PTPRT: variants seen among roughly 807,000 people sequenced by gnomAD.
PTPRT encodes protein tyrosine phosphatase receptor type T.
A neutral mutation model predicts 176.8 loss-of-function variants in PTPRT; 56 were observed. The ratio of observed to expected loss-of-function variants is 0.32; its 90% CI spans 0.26 to 0.40. The LOEUF (loss-of-function observed/expected upper bound fraction) is 0.40. Ranked by LOEUF, PTPRT falls within the 10% of genes least tolerant of loss-of-function variation. PTPRT has a pLI of 1.00. For missense variants in PTPRT, 1,540 were observed against 1,908.2 expected, an observed-to-expected ratio of 0.81 and a Z score of 3.60; for synonymous variants, 783 against 739.0, an observed-to-expected ratio of 1.06 and a Z score of -0.96.
chr20:42,717,471 GAC>G (rs984175524), intron 6 of PTPRT, among the ~76,000 whole-genome samples: 2 of 152,036 alleles, frequency 1.3e-5, no homozygotes, highest in African/African-American at 4.8e-5. Context: ...GAATCAAAGT[GAC>G]AGTTTTTATA....
At chr20:42,741,485 C>T (rs1410373150) in intron 6 of PTPRT, among the ~76,000 whole-genome samples, 4 of 152,174 alleles carry the variant, frequency 2.6e-5, no homozygotes, top group South Asian at 2.1e-4. Flanking sequence ...GTTGGGATTA[C>T]AGGCAACCAC....
chr20:43,160,664 A>C (rs924134621), intron 1 of PTPRT, among the ~76,000 whole-genome samples: 2 of 151,706 alleles, frequency 1.3e-5, no homozygotes, highest in East Asian at 3.9e-4. Flanking sequence ...GCCTTGAAAG[A>C]ATATTTTTTT....
chr20:42,885,756 G>T, intron 2 of PTPRT, 51 bp downstream of exon 2: 1 of 1,568,274 alleles, frequency 6.4e-7, no homozygotes, highest in Non-Finnish European at 8.7e-7. Flanking sequence ...CATGATTCAC[G>T]GTAAAAACTA....
chr20:42,063,816 A>G, the PTPRT span: 2 of 152,136 alleles, frequency 1.3e-5, no homozygotes, highest in Non-Finnish European at 2.9e-5. Flanking sequence ...ATGGTGGCCA[A>G]TGGGAGCCCA....
intron 7 of PTPRT, among the ~76,000 whole-genome samples, chr20:42,584,280 C>G (rs554193045): frequency 7.9e-5 from 12 of 152,154 alleles, no homozygotes; most frequent in African/African-American, 2.7e-4. Context: ...TAAATCTCTA[C>G]GTGATCTCCC....
rs1986514085 is a variant in PTPRT at position 42,106,998 on chromosome 20, C to G, written c.3255-77G>C. The stretch of plus-strand genomic sequence containing the variant: ...CTGGGGAGGCCCCTAGCATTCAGCC[C>G]TATCCCCAAGGGTCCTGCTGGGAGG... On this transcript the variant is annotated intron_variant, in intron 23 of 30. Transcript: ENST00000373187. The G allele has an allele frequency of 1.4e-5, 21 of 1,545,066 alleles. No homozygotes were observed. The South Asian group carries it at 2.4e-4, about 18-fold the overall frequency.
chr20:42,462,155 T>C (rs2071032226), intron 8 of PTPRT, among the ~76,000 whole-genome samples: 1 of 152,156 alleles, frequency 6.6e-6, no homozygotes, highest in Non-Finnish European at 1.5e-5. Context: ...GGGAATTTCT[T>C]TGAATGGTTT....
Position 42,472,539 on chromosome 20 carries a change from C to A in PTPRT, c.1177G>T (p.Val393Leu). 2 of 1,614,072 alleles carry A rather than the reference C, an allele frequency of 1.2e-6. No homozygotes were observed. The highest frequency in any genetic ancestry group is 2.2e-5 in the South Asian group (2 of 91,080). The change falls in exon 8 of 31, where the codon GTG becomes TTG. Residue 393 changes from valine (V) to leucine (L), a missense_variant. Val to Leu is a conservative substitution (Grantham distance 32). Coordinates refer to ENST00000373187, the MANE Select transcript of PTPRT (RefSeq NM_007050.6). ...CGGGCTCTGATGTCTACGATTTCCA[C>A]GTTCTGTGGGCCATGTACCGGATCT... ...CADPVHGPQN[V>L]EIVDIRARQL... is the part of the protein sequence containing the mutation.
In PTPRT at chr20:42,614,922, CTT is replaced by C. The variant is rs559377337; in HGVS notation, c.1153+62942_1153+62943del. Among the ~76,000 whole-genome samples the C allele has an allele frequency of 1.3e-3, 184 of 137,282 alleles. 3 individuals carry two copies. The highest frequency in any genetic ancestry group is 4.4e-3 in the African/African-American group (166 of 37,702). The allele number at this position is 137,282 out of a possible 152,430, so 90.1% of individuals were successfully genotyped here. ...AACTCTCGGTTTTTTTTGTTGTTTT[CTT>C]TTTTTTTTTTCTATTTTTTTTTTAA... On this transcript the variant is annotated intron_variant, in intron 7 of 30. Transcript: ENST00000373187.
At chr20:43,052,333 T>A (rs1222087002) in intron 1 of PTPRT, among the ~76,000 whole-genome samples, 1 of 152,244 alleles carries the variant, frequency 6.6e-6, no homozygotes, top group Non-Finnish European at 1.5e-5. Flanking sequence ...TCACGTGCTA[T>A]CTATAATAAG....
chr20:42,947,005 G>T (rs950644678), intron 1 of PTPRT, among the ~76,000 whole-genome samples: 2 of 152,164 alleles, frequency 1.3e-5, no homozygotes, highest in Non-Finnish European at 1.5e-5. Flanking sequence ...TTCGATTCAG[G>T]TCAAAGAGAG....
At chr20:42,281,007 C>T (rs1035636316) in intron 13 of PTPRT, among the ~76,000 whole-genome samples, 1 of 152,116 alleles carries the variant, frequency 6.6e-6, no homozygotes. Flanking sequence ...TCGAAAGCCA[C>T]CGAGGAGCCA....
At chr20:42,973,369 T>C (rs1158114274) in intron 1 of PTPRT, among the ~76,000 whole-genome samples, 1 of 152,160 alleles carries the variant, frequency 6.6e-6, no homozygotes, top group Non-Finnish European at 1.5e-5. Flanking sequence ...GGACCTAAAA[T>C]GTCAGCTCAA....
intron 1 of PTPRT, among the ~76,000 whole-genome samples, chr20:42,928,172 G>A (rs1979607991): frequency 6.6e-6 from 1 of 152,226 alleles, no homozygotes; most frequent in Non-Finnish European, 1.5e-5. Flanking sequence ...CATTGCACAA[G>A]GCTCTGGTTC....
At chr20:43,025,479 G>A (rs956525154) in intron 1 of PTPRT, among the ~76,000 whole-genome samples, 4 of 152,178 alleles carry the variant, frequency 2.6e-5, no homozygotes, top group Non-Finnish European at 5.9e-5. Flanking sequence ...CCTGAGGGTT[G>A]GAGTTGGAGG....
chr20:42,725,225 C>G (rs2076362344), intron 6 of PTPRT, among the ~76,000 whole-genome samples: 1 of 151,640 alleles, frequency 6.6e-6, no homozygotes, highest in African/African-American at 2.4e-5. Context: ...CGGGGTTTCA[C>G]CATGTTGGCC....
At chr20:42,547,623 G>A (rs1260676340) in intron 7 of PTPRT, among the ~76,000 whole-genome samples, 1 of 151,904 alleles carries the variant, frequency 6.6e-6, no homozygotes, top group Non-Finnish European at 1.5e-5. Context: ...CTTGTTAAAG[G>A]TTATACCTAA....
chr20:42,234,897 C>G (rs1444991431), intron 15 of PTPRT, among the ~76,000 whole-genome samples: 1 of 152,192 alleles, frequency 6.6e-6, no homozygotes, highest in South Asian at 2.1e-4. Flanking sequence ...CTTTTGCTGG[C>G]TCCATCTTTA....
intron 1 of PTPRT, among the ~76,000 whole-genome samples, chr20:43,092,344 T>G (rs1463705158): frequency 6.6e-6 from 1 of 152,220 alleles, no homozygotes; most frequent in East Asian, 1.9e-4. Context: ...TTTCCAGATG[T>G]CCATTACATC....
Sources: allele counts gnomAD v4.1 joint callset (sites outside exome capture counted in the v4.1 genomes callset), GRCh38; gene constraint gnomAD v4.1.1; transcripts MANE v1.5; gene names NCBI Gene and HGNC (gene_info 2026-07-23, HGNC 2026-07-21).